DSC1: variants seen among roughly 807,000 people sequenced by gnomAD.
DSC1 encodes the protein desmocollin 1, also known as desmocollin-1.
In DSC1, 79 loss-of-function variants were observed where a neutral mutation model predicts 98.8. The observed-to-expected ratio is 0.80, with a 90% CI of 0.67 to 0.96. The LOEUF (loss-of-function observed/expected upper bound fraction) is 0.96, where lower values mean the gene tolerates loss of function less well. Among genes scored for constraint, DSC1 ranks in the 50% least tolerant of loss-of-function variants. DSC1 has a pLI of 0.00. For synonymous variants in DSC1, 405 were observed against 372.1 expected (o/e 1.09, Z -1.02); for missense variants, 1,115 against 1,075.9 (o/e 1.04, Z -0.51).
At position 31,134,136 on chromosome 18, in the gene DSC1, GA is replaced by G. The variant is rs758256441; in HGVS notation, c.1877-7del. 32 of 1,591,864 alleles carry G rather than the reference GA, an allele frequency of 2.0e-5. No individual in the cohort carries two copies. Among genetic ancestry groups the G allele is most frequent in the South Asian group, 1.9e-4 (17 of 90,024 alleles). ...ACGAAGAATGGCAGTTTTACCTAGG[GA>G]AAAAAAAGACAGAATATATATGGAT... On this transcript the variant is annotated splice_region_variant and splice_polypyrimidine_tract_variant and intron_variant, in intron 12 of 15. Coordinates refer to ENST00000257198, the MANE Select transcript of DSC1 (RefSeq NM_024421.2).
chr18:31,134,768 A>C lies in DSC1; in HGVS notation c.1680T>G (p.Thr560=), dbSNP rs201831257. The C allele has an allele frequency of 1.4e-5, 23 of 1,609,528 alleles. No homozygotes were observed. In the South Asian group the frequency reaches 2.4e-4, roughly 17 times the overall value. ...VAVDAVGRSC[T]GTLVVHLDDY... Reference sequence around the variant, plus strand: ...CATCCAAATGAACTACTAATGTTCCAGTGCAAGATCGGCCAACTAAGATTA... The same window carrying C: ...CATCCAAATGAACTACTAATGTTCCCGTGCAAGATCGGCCAACTAAGATTA... Residue 560 remains threonine (T), a synonymous_variant, in exon 12 of 16, where the codon ACT becomes ACG. Transcript: ENST00000257198.
rs536515861 is a variant in DSC1, at chr18:31,129,569, T to C, written c.*945A>G. The stretch of plus-strand genomic sequence containing the variant: ...AGGTGCTAGTCTCTGTATATCAGAG[T>C]TGCAGCCTAATGCATCAGGGCTAGT... On this transcript the variant is annotated 3_prime_UTR_variant, in exon 16 of 16. Coordinates refer to ENST00000257198, the MANE Select transcript of DSC1 (RefSeq NM_024421.2). The C allele has an allele frequency of 6.6e-6, 1 of 152,048 alleles. No individual in the cohort carries two copies. The highest frequency in any genetic ancestry group is 2.4e-5 in the African/African-American group (1 of 41,390). 9.4% of individuals were successfully genotyped at this position (152,048 alleles called of 1,614,324 possible).
At chr18:31,144,084 A>G (rs1369972182) in intron 7 of DSC1, among the ~76,000 whole-genome samples, 1 of 151,784 alleles carries the variant, frequency 6.6e-6, no homozygotes, top group Non-Finnish European at 1.5e-5. Flanking sequence ...TAATCTTTGT[A>G]TTTTTAGTAG....
At chr18:31,157,273 G>A in intron 3 of DSC1, 98 bp downstream of exon 3, 1 of 1,256,208 alleles carries the variant, frequency 8.0e-7, no homozygotes, top group Non-Finnish European at 1.1e-6. Flanking sequence ...TCATTCAATA[G>A]CATAGATTTT....
Position 31,130,525 on chromosome 18 carries a change from T to A in DSC1, c.2674A>T (p.Ile892Phe), listed in dbSNP as rs762455697. ...ATTAAAAGGCACATTTATTTCTTGA[T>A]GCATGTCTTTGCTAATGTCCTAAAT... ...PKFRTLAKTC[I>F]KK The change falls in exon 16 of 16, where the codon ATC (isoleucine) becomes TTC (phenylalanine). Residue 892 changes from isoleucine (I) to phenylalanine (F), a missense_variant. Coordinates refer to ENST00000257198, the MANE Select transcript of DSC1 (RefSeq NM_024421.2). 3 of 1,614,174 alleles carry A rather than the reference T, an allele frequency of 1.9e-6. No individual in the cohort carries two copies. The highest frequency in any genetic ancestry group is 1.7e-5 in the Admixed American group (1 of 60,020).
At position 31,148,528 on chromosome 18, in the gene DSC1, T is replaced by TAGTC; in HGVS notation, c.738_741dup (p.Ile248AspfsTer7). ...CGGCAATTTTCAGGCACAGTAAAGA[T>TAGTC]AGTCACTCTGTGTTCAAAATATGGG... On this transcript the variant is annotated frameshift_variant, in exon 6 of 16. Coordinates refer to ENST00000257198, the MANE Select transcript of DSC1 (RefSeq NM_024421.2). LOFTEE classifies it high-confidence loss of function. 6.2e-7 allele frequency: 1 copy of TAGTC among 1,609,714 alleles called. No individual in the cohort carries two copies.
At chr18:31,154,362 C>G (rs1033578427) in intron 5 of DSC1, among the ~76,000 whole-genome samples, 1 of 151,416 alleles carries the variant, frequency 6.6e-6, no homozygotes. Context: ...GGATCTCATC[C>G]CAGAACAATT....
At position 31,132,637 on chromosome 18, in the gene DSC1, A is replaced by G. The variant is rs1748169090; in HGVS notation, c.2169T>C (p.Cys723=). 1 of 1,613,386 alleles carries G rather than the reference A, an allele frequency of 6.2e-7. No homozygotes were observed. Among genetic ancestry groups the G allele is most frequent in the South Asian group, 1.1e-5 (1 of 91,068 alleles). The change falls in exon 14 of 16, where the codon TGT becomes TGC. Residue 723 remains cysteine (C), a synonymous_variant. Transcript: ENST00000257198. ...TTTGCTGGGCTATGTCTTCTGGAAA[A>G]CATTTCTTGACTGTTCTCTTAGCAG... The part of the protein sequence containing the change: ...CVTAKRTVKK[C]FPEDIAQQNL...
rs1988463386 is a variant in DSC1, at chr18:31,130,576, C to T, written c.2623G>A (p.Glu875Lys). The change falls in exon 16 of 16, where the codon GAG becomes AAG. Residue 875 changes from glutamate to lysine, a missense_variant. Glu to Lys is a moderately conservative substitution (Grantham distance 56). Transcript: ENST00000257198. The part of the protein sequence containing the change: ...CSDRQEEEGL[E>K]FLDHLEPKFR... Reference sequence around the variant, plus strand: ...TTGGGTTCCAGGTGATCTAGAAACTCCAGTCCCTCTTCTTCCTGCCGATCG... The same window carrying T: ...TTGGGTTCCAGGTGATCTAGAAACTTCAGTCCCTCTTCTTCCTGCCGATCG... The T allele has an allele frequency of 1.2e-6, 2 of 1,614,160 alleles. No homozygotes were observed. Among genetic ancestry groups the T allele is most frequent in the Non-Finnish European group, 8.5e-7 (1 of 1,180,014 alleles).
At chr18:31,153,706 T>C (rs1469783093) in intron 5 of DSC1, among the ~76,000 whole-genome samples, 1 of 152,174 alleles carries the variant, frequency 6.6e-6, no homozygotes, top group East Asian at 1.9e-4. Context: ...ACTAGCTTCA[T>C]ATTTCACACT....
At chr18:31,144,936 CTTTCTT>C (rs1988812221) in intron 7 of DSC1, among the ~76,000 whole-genome samples, 7 of 95,276 alleles carry the variant, frequency 7.3e-5, no homozygotes, top group Non-Finnish European at 5.8e-5. Flanking sequence ...TTTTCTTTTT[CTTTCTT>C]TTTTTTTTTT....
chr18:31,143,039 G>A (rs1724006364), intron 8 of DSC1, among the ~76,000 whole-genome samples: 1 of 151,840 alleles, frequency 6.6e-6, no homozygotes, highest in Non-Finnish European at 1.5e-5. Context: ...ATGAAAAAAT[G>A]AAAGGTTATT....
chr18:31,156,865 A>G (rs1032751967), intron 3 of DSC1, among the ~76,000 whole-genome samples: 5 of 152,158 alleles, frequency 3.3e-5, no homozygotes, highest in African/African-American at 7.2e-5. Flanking sequence ...ATTCAAATCA[A>G]TTCTGTGGAT....
At chr18:31,140,404 G>C in intron 9 of DSC1, 103 bp from the exon 10 acceptor site, 1 of 1,265,762 alleles carries the variant, frequency 7.9e-7, no homozygotes, top group Non-Finnish European at 1.1e-6. Context: ...CATTTAAAAT[G>C]TAACCTAAAG....
rs529207552 is a variant in DSC1, at chr18:31,153,844, A to G, written c.627+930T>C. Among the ~76,000 whole-genome samples the G allele has an allele frequency of 5.3e-5, 8 of 152,166 alleles. No homozygotes were observed. The South Asian group carries it at 1.5e-3, about 28-fold the overall frequency. ...TTGTCTACCACTTCCCATCCCCACA[A>G]TTGTTAACTTCTTTCATAACTGCCT... On this transcript the variant is annotated intron_variant, in intron 5 of 15. Coordinates refer to ENST00000257198, the MANE Select transcript of DSC1 (RefSeq NM_024421.2).
intron 11 of DSC1, among the ~76,000 whole-genome samples, chr18:31,137,629 A>G (rs1988638850): frequency 6.6e-6 from 1 of 152,198 alleles, no homozygotes; most frequent in South Asian, 2.1e-4. Context: ...ATACATGAGA[A>G]ACAATGAAAG....
In DSC1 at chr18:31,157,480, T is replaced by C. The variant is rs758111047; in HGVS notation, c.242A>G (p.His81Arg). ...ILEDGSIYTT[H>R]DLILSSERKS... ...CCTTTCAGAAGACAAAATGAGGTCA[T>C]GTGTTGTGTAAATTGAGCCATCTTC... Residue 81 changes from histidine to arginine, a missense_variant, in exon 3 of 16, where the codon CAT becomes CGT. Coordinates refer to ENST00000257198, the MANE Select transcript of DSC1 (RefSeq NM_024421.2). 1.9e-6 allele frequency: 3 copies of C among 1,614,048 alleles called. No homozygotes were observed. The highest frequency in any genetic ancestry group is 1.7e-6 in the Non-Finnish European group (2 of 1,180,042).
Position 31,129,427 on chromosome 18 carries a change from G to A in DSC1, c.*1087C>T, listed in dbSNP as rs1053608648. ...TTCTTATATTTTTAGTAGAGTGGGG[G>A]TTTCTCATATACATTCTAGTCCCTA... On this transcript the variant is annotated 3_prime_UTR_variant, in exon 16 of 16. Coordinates refer to ENST00000257198, the MANE Select transcript of DSC1 (RefSeq NM_024421.2). 1 of 151,872 alleles carries A rather than the reference G, an allele frequency of 6.6e-6. No homozygotes were observed. Among genetic ancestry groups the A allele is most frequent in the African/African-American group, 2.4e-5 (1 of 41,326 alleles). The allele number at this position is 151,872 out of a possible 1,614,324, so 9.4% of individuals were successfully genotyped here.
At chr18:31,142,333 T>C (rs1281144193) in intron 8 of DSC1, 149 bp from the exon 9 acceptor site, 3 of 801,740 alleles carry the variant, frequency 3.7e-6, no homozygotes, top group South Asian at 2.0e-5. Flanking sequence ...ATTTAATGCG[T>C]AGCTTAGTTC....
Sources: allele counts gnomAD v4.1 joint callset (sites outside exome capture counted in the v4.1 genomes callset), GRCh38; gene constraint gnomAD v4.1.1; transcripts MANE v1.5; gene names NCBI Gene and HGNC (gene_info 2026-07-23, HGNC 2026-07-21).